Variants in WASF3 observed in about 807,000 individuals in gnomAD.
WASF3 encodes actin-binding protein WASF3.
Under a neutral mutation model 46.6 loss-of-function variants are expected in WASF3, and 11 were observed. The ratio of observed to expected loss-of-function variants is 0.24; its 90% CI spans 0.15 to 0.39. The LOEUF (loss-of-function observed/expected upper bound fraction) is 0.39. Ranked by LOEUF, WASF3 falls within the 10% of genes least tolerant of loss-of-function variation. The probability of loss-of-function intolerance (pLI) is 1.00; values close to 1 mark genes in which losing one functional copy is unlikely to be tolerated. For synonymous variants in WASF3, 242 were observed against 259.7 expected (o/e 0.93, Z 0.65); for missense variants, 576 against 669.8 (o/e 0.86, Z 1.55).
intron 3 of WASF3, among the ~76,000 whole-genome samples, chr13:26,652,420 G>A (rs1343646688): frequency 1.3e-5 from 2 of 152,142 alleles, no homozygotes; most frequent in African/African-American, 4.8e-5. Context: ...AATCATAGTT[G>A]GAGATTTTAA....
At chr13:26,610,244 C>T (rs1014580232) in intron 1 of WASF3, among the ~76,000 whole-genome samples, 2 of 152,220 alleles carry the variant, frequency 1.3e-5, no homozygotes, top group Non-Finnish European at 2.9e-5. Context: ...CACCTGTCTT[C>T]TGAATTATGG....
At chr13:26,603,672 AT>A (rs1880707806) in intron 1 of WASF3, among the ~76,000 whole-genome samples, 1 of 152,142 alleles carries the variant, frequency 6.6e-6, no homozygotes, top group Non-Finnish European at 1.5e-5. Flanking sequence ...TCTACTAAAA[AT>A]ATTTGTAAAA....
intron 1 of WASF3, among the ~76,000 whole-genome samples, chr13:26,578,993 C>CT (rs200299739): frequency 0.13 from 7,503 of 59,376 alleles, 978 homozygotes; most frequent in Admixed American, 0.15. Context: ...GATACATTTC[C>CT]TTTTTTTTTT....
chr13:26,659,668 C>T (rs139106789), intron 3 of WASF3, among the ~76,000 whole-genome samples: 45 of 152,150 alleles, frequency 3.0e-4, no homozygotes, highest in African/African-American at 1.0e-3. Flanking sequence ...AGGATCAGGG[C>T]AGGTGGTGCG....
intron 2 of WASF3, among the ~76,000 whole-genome samples, chr13:26,632,368 G>GT (rs1296964242): frequency 6.6e-6 from 1 of 152,150 alleles, no homozygotes; most frequent in East Asian, 1.9e-4. Flanking sequence ...TTTATTGAGA[G>GT]TTTTTAGCAC....
upstream of WASF3, among the ~76,000 whole-genome samples, chr13:26,555,359 G>A (rs77493839): frequency 3.8e-3 from 578 of 152,194 alleles, 2 homozygotes; most frequent in African/African-American, 0.013. Context: ...ATCAGGTACT[G>A]CCACTCTCAT....
intron 2 of WASF3, among the ~76,000 whole-genome samples, chr13:26,635,643 T>C (rs1286481050): frequency 6.6e-6 from 1 of 152,240 alleles, no homozygotes; most frequent in Admixed American, 6.5e-5. Context: ...CCTTTGGTCT[T>C]TGATGTTGGT....
At chr13:26,577,266 A>T (rs1428157838) in intron 1 of WASF3, 1 of 739,494 alleles carries the variant, frequency 1.4e-6, no homozygotes, top group African/African-American at 1.7e-5. Context: ...TGATGTCAGG[A>T]CTACCGATGG....
At chr13:26,574,758 C>T (rs1329238981) in intron 1 of WASF3, among the ~76,000 whole-genome samples, 1 of 150,676 alleles carries the variant, frequency 6.6e-6, no homozygotes, top group South Asian at 2.1e-4. Context: ...TTAAAAAATT[C>T]TTTTGATATC....
At chr13:26,595,152 G>A (rs1244306588) in intron 1 of WASF3, among the ~76,000 whole-genome samples, 1 of 152,140 alleles carries the variant, frequency 6.6e-6, no homozygotes, top group Non-Finnish European at 1.5e-5. Context: ...AATGTTAGTT[G>A]AACAAAGGAA....
the WASF3 span, among the ~76,000 whole-genome samples, chr13:26,548,614 A>G: frequency 6.6e-6 from 1 of 152,198 alleles, no homozygotes; most frequent in South Asian, 2.1e-4. Flanking sequence ...ACTTTGGTGA[A>G]CTGATTAAAC....
intron 1 of WASF3, among the ~76,000 whole-genome samples, chr13:26,589,037 T>G (rs973099155): frequency 6.6e-6 from 1 of 152,112 alleles, no homozygotes; most frequent in African/African-American, 2.4e-5. Flanking sequence ...CAAATGACCC[T>G]CTTGCCTCAG....
At chr13:26,636,689 G>T (rs1254065315) in intron 2 of WASF3, among the ~76,000 whole-genome samples, 3 of 152,146 alleles carry the variant, frequency 2.0e-5, no homozygotes, top group African/African-American at 7.2e-5. Flanking sequence ...TATCTCTGCT[G>T]GGTCATACAG....
chr13:26,572,402 G>A (rs948597888), intron 1 of WASF3, among the ~76,000 whole-genome samples: 1 of 151,990 alleles, frequency 6.6e-6, no homozygotes, highest in East Asian at 1.9e-4. Flanking sequence ...GAAAGTATGC[G>A]TCTACTCCTA....
chr13:26,587,705 G>A (rs1880173193), intron 1 of WASF3, among the ~76,000 whole-genome samples: 1 of 152,182 alleles, frequency 6.6e-6, no homozygotes, highest in Non-Finnish European at 1.5e-5. Flanking sequence ...AATCAAGGGG[G>A]TGGTAATTCT....
chr13:26,585,976 C>G (rs1470940526), intron 1 of WASF3, among the ~76,000 whole-genome samples: 1 of 152,112 alleles, frequency 6.6e-6, no homozygotes, highest in Non-Finnish European at 1.5e-5. Flanking sequence ...TTGATTTTTA[C>G]TGTATTAAAA....
At chr13:26,658,039 T>C (rs922324257) in intron 3 of WASF3, among the ~76,000 whole-genome samples, 1 of 152,190 alleles carries the variant, frequency 6.6e-6, no homozygotes, top group African/African-American at 2.4e-5. Context: ...CCTTTTCTGC[T>C]TATGCAGCAT....
At chr13:26,542,663 C>T in the WASF3 span, among the ~76,000 whole-genome samples, 1 of 152,140 alleles carries the variant, frequency 6.6e-6, no homozygotes, top group Non-Finnish European at 1.5e-5. Context: ...CCTATTCACA[C>T]AAAGCTATAT....
At chr13:26,645,538 A>G (rs1243722765) in intron 3 of WASF3, among the ~76,000 whole-genome samples, 1 of 152,140 alleles carries the variant, frequency 6.6e-6, no homozygotes, top group African/African-American at 2.4e-5. Context: ...ATAGAATTAT[A>G]TCTCGTATCA....
Sources: allele counts gnomAD v4.1 joint callset (sites outside exome capture counted in the v4.1 genomes callset), GRCh38; gene constraint gnomAD v4.1.1; transcripts MANE v1.5; gene names NCBI Gene and HGNC (gene_info 2026-07-23, HGNC 2026-07-21).